The following TCERG1 variants were observed in gnomAD, a reference collection of about 807,000 sequenced individuals.
TCERG1 encodes transcription elongation regulator 1.
In TCERG1, 37 loss-of-function variants were observed where a neutral mutation model predicts 144.7. That is an observed-to-expected ratio of 0.26 (90% CI 0.20 to 0.34). The LOEUF (loss-of-function observed/expected upper bound fraction) is 0.34, where lower values mean the gene tolerates loss of function less well. Among genes scored for constraint, TCERG1 ranks in the 10% least tolerant of loss-of-function variants. The probability of loss-of-function intolerance (pLI) is 1.00; values close to 1 mark genes in which losing one functional copy is unlikely to be tolerated. For missense variants in TCERG1, 1,027 were observed against 1,380.7 expected, an observed-to-expected ratio of 0.74 and a Z score of 4.06; for synonymous variants, 492 against 458.2, an observed-to-expected ratio of 1.07 and a Z score of -0.94.
At chr5:146,469,860 G>A (rs538293720) in intron 7 of TCERG1, 116 bp downstream of exon 7, 2 of 714,734 alleles carry the variant, frequency 2.8e-6, no homozygotes, top group Middle Eastern at 4.2e-4. Flanking sequence ...TAATTACACA[G>A]TCATTGGATT....
At chr5:146,500,153 G>A (rs1029203867) in intron 17 of TCERG1, among the ~76,000 whole-genome samples, 2 of 151,158 alleles carry the variant, frequency 1.3e-5, no homozygotes, top group South Asian at 2.1e-4. Context: ...TTACAGGGTT[G>A]GCTTTATACC....
At chr5:146,500,149 G>C (rs1195551853) in intron 17 of TCERG1, among the ~76,000 whole-genome samples, 4 of 150,504 alleles carry the variant, frequency 2.7e-5, no homozygotes, top group Non-Finnish European at 5.9e-5. Flanking sequence ...TAAATTACAG[G>C]GTTGGCTTTA....
rs142146656 is a variant in TCERG1 at position 146,464,017 on chromosome 5, A to G, written c.1135+224A>G. The stretch of plus-strand genomic sequence containing the variant: ...AAATTAGAGCCACATTTAAAGCTAC[A>G]CTTATTTTGGATAATGCCCTCAATG... On this transcript the variant is annotated intron_variant, in intron 5 of 22. Transcript: ENST00000679501. Among the ~76,000 whole-genome samples the G allele has an allele frequency of 2.2e-4, 34 of 152,296 alleles. No homozygotes were observed. In the East Asian group the frequency reaches 6.6e-3, roughly 29 times the overall value.
At chr5:146,494,139 G>T (rs2150742307) in intron 16 of TCERG1, among the ~76,000 whole-genome samples, 1 of 152,178 alleles carries the variant, frequency 6.6e-6, no homozygotes. Flanking sequence ...TGAGTCAAAA[G>T]AGTGAGATCA....
At chr5:146,498,399 C>G in intron 16 of TCERG1, 137 bp from the exon 17 acceptor site, 1 of 788,940 alleles carries the variant, frequency 1.3e-6, no homozygotes, top group South Asian at 3.3e-5. Context: ...CTGAAACTTA[C>G]TGTTCACTGT....
At chr5:146,496,869 G>GTTTT (rs70998085) in intron 16 of TCERG1, among the ~76,000 whole-genome samples, 4 of 83,312 alleles carry the variant, frequency 4.8e-5, no homozygotes, top group Non-Finnish European at 6.7e-5. Flanking sequence ...CTCACTATGT[G>GTTTT]TTTTTTTTTT....
At chr5:146,506,755 G>C (rs1359569738) in intron 19 of TCERG1, among the ~76,000 whole-genome samples, 1 of 152,126 alleles carries the variant, frequency 6.6e-6, no homozygotes, top group Non-Finnish European at 1.5e-5. Context: ...AGACTATGCA[G>C]TATTTGTGTT....
rs368452449 is a variant in TCERG1, at chr5:146,454,889, C to CA, written c.60-166dup. 2.1e-3 allele frequency among the ~76,000 whole-genome samples: 327 copies of CA among 152,316 alleles called. 1 individual carries two copies. The highest frequency in any genetic ancestry group is 7.5e-3 in the African/African-American group (313 of 41,560). The stretch of plus-strand genomic sequence containing the variant: ...CTGGGATTACAGATGTGAGCCACTG[C>CA]ACCCGGCCCATTGATGTAGTTTTTA... On this transcript the variant is annotated intron_variant, in intron 1 of 22. Transcript: ENST00000679501.
chr5:146,487,330 T>C (rs1009105094), intron 15 of TCERG1, among the ~76,000 whole-genome samples: 6 of 152,044 alleles, frequency 3.9e-5, no homozygotes, highest in African/African-American at 1.4e-4. Context: ...GGGAAAGACA[T>C]CCCAAGCTCA....
chr5:146,459,337 A>G lies in TCERG1; in HGVS notation c.892A>G (p.Thr298Ala). 1 of 1,613,398 alleles carries G rather than the reference A, an allele frequency of 6.2e-7. No homozygotes were observed. Among genetic ancestry groups the G allele is most frequent in the South Asian group, 1.1e-5 (1 of 90,984 alleles). Residue 298 changes from threonine (T) to alanine (A), a missense_variant and splice_region_variant, in exon 4 of 23, where the codon ACA becomes GCA. By Grantham distance (58) the Thr-to-Ala change is moderately conservative. Around this residue, in one of 6 missense-constraint regions of TCERG1, gnomAD observed 187 missense variants for 169.1 expected, o/e 1.11. Coordinates refer to ENST00000679501, the MANE Select transcript of TCERG1 (RefSeq NM_001382548.1). Reference sequence around the variant, plus strand: ...TACTTCAGTTGCGCAGACAGTATCAAGTGAGTACCACTCAGCATGTGTTTT... The same window carrying G: ...TACTTCAGTTGCGCAGACAGTATCAGGTGAGTACCACTCAGCATGTGTTTT... ...TATSVAQTVS[T>A]PTTQDQTPSS... is the part of the protein sequence containing the mutation.
chr5:146,465,864 A>G (rs1763734441), intron 5 of TCERG1, among the ~76,000 whole-genome samples: 1 of 152,236 alleles, frequency 6.6e-6, no homozygotes, highest in South Asian at 2.1e-4. Context: ...CCCCATCTCT[A>G]CTAAAAATAC....
Position 146,507,194 on chromosome 5 carries a change from A to G in TCERG1, c.2948A>G (p.Asp983Gly), listed in dbSNP as rs1239995469. 1 of 1,594,628 alleles carries G rather than the reference A, an allele frequency of 6.3e-7. No individual in the cohort carries two copies. Among genetic ancestry groups the G allele is most frequent in the Non-Finnish European group, 8.5e-7 (1 of 1,174,400 alleles). ...AGAGAGCACTTTAGGCAACTTCTGG[A>G]TGAAACTTCTGCAGTAAGAATCTCT... is the stretch of plus-strand genomic sequence containing the variant. ...KKREHFRQLL[D>G]ETSAITLTST... The change falls in exon 20 of 23, where the codon GAT (aspartate) becomes GGT (glycine). Residue 983 changes from aspartate to glycine, a missense_variant. Transcript: ENST00000679501. This position sits in a 1 kb window ranked among gnomAD's most constrained non-coding sequence, Gnocchi z 4.6.
intron 4 of TCERG1, among the ~76,000 whole-genome samples, chr5:146,460,420 A>G (rs951503812): frequency 1.0e-5 from 1 of 99,066 alleles, no homozygotes; most frequent in East Asian, 2.0e-4. Flanking sequence ...AAGTACTTAA[A>G]TAATGATTTT....
At chr5:146,473,626 A>C (rs1429286085) in intron 9 of TCERG1, among the ~76,000 whole-genome samples, 1 of 152,142 alleles carries the variant, frequency 6.6e-6, no homozygotes, top group Admixed American at 6.5e-5. Context: ...TGGTGACTTT[A>C]AGTTGAAGCC....
At chr5:146,483,979 A>G (rs950022859) in intron 15 of TCERG1, among the ~76,000 whole-genome samples, 1 of 152,180 alleles carries the variant, frequency 6.6e-6, no homozygotes, top group Non-Finnish European at 1.5e-5. Context: ...AATACAGATG[A>G]GTAAAAAGGA....
chr5:146,476,865 C>T (rs1414944613), intron 9 of TCERG1, among the ~76,000 whole-genome samples: 1 of 152,166 alleles, frequency 6.6e-6, no homozygotes, highest in Non-Finnish European at 1.5e-5. Flanking sequence ...CTCACTGCCC[C>T]AGCCTCCTGC....
At chr5:146,474,225 A>G (rs776601062) in intron 9 of TCERG1, among the ~76,000 whole-genome samples, 5 of 152,200 alleles carry the variant, frequency 3.3e-5, no homozygotes, top group Admixed American at 6.5e-5. Context: ...ACCAACTCTC[A>G]TGGATGATTT....
At chr5:146,485,804 C>G (rs1328962401) in intron 15 of TCERG1, among the ~76,000 whole-genome samples, 1 of 152,178 alleles carries the variant, frequency 6.6e-6, no homozygotes, top group Non-Finnish European at 1.5e-5. Context: ...AAGTGATCCT[C>G]CCACCTTAGC....
intron 16 of TCERG1, among the ~76,000 whole-genome samples, chr5:146,496,170 C>G (rs7703117): frequency 6.6e-6 from 1 of 152,148 alleles, no homozygotes; most frequent in African/African-American, 2.4e-5. Context: ...CTTTATAATG[C>G]CTTTTATTTA....
Sources: gnomAD v4.1 joint callset for allele counts (sites outside exome capture counted in the v4.1 genomes callset) on GRCh38, gnomAD v4.1.1 for gene constraint, gnomAD v4.1.1 regional missense constraint, Gnocchi (gnomAD v3.1) non-coding constraint, MANE v1.5 for transcripts, NCBI Gene and HGNC (gene_info 2026-07-23, HGNC 2026-07-21) for gene names.